The following FRMD5 variants were observed in gnomAD, a reference collection of about 807,000 sequenced individuals.
FRMD5 encodes FERM domain-containing protein 5.
In FRMD5, 20 loss-of-function variants were observed where a neutral mutation model predicts 69.0. That is an observed-to-expected ratio of 0.29 (90% confidence interval 0.20 to 0.42). The LOEUF is 0.42. Among genes scored for constraint, FRMD5 ranks in the 10% least tolerant of loss-of-function variants. The probability of loss-of-function intolerance (pLI) is 1.00; values close to 1 mark genes in which losing one functional copy is unlikely to be tolerated. For missense variants in FRMD5, 595 were observed against 708.6 expected (o/e 0.84, Z 1.82); for synonymous variants, 271 against 260.1 (o/e 1.04, Z -0.40).
chr15:43,887,000 CTG>C (rs1406245048), intron 10 of FRMD5, among the ~76,000 whole-genome samples: 1 of 152,210 alleles, frequency 6.6e-6, no homozygotes, highest in African/African-American at 2.4e-5. Context: ...GACTCAGAAA[CTG>C]AGTGAGGTCA....
intron 1 of FRMD5, among the ~76,000 whole-genome samples, chr15:44,109,636 T>C (rs1356683084): frequency 2.6e-5 from 4 of 152,162 alleles, no homozygotes; most frequent in Non-Finnish European, 5.9e-5. Context: ...ACATTGATTA[T>C]GAACCTACAT....
intron 1 of FRMD5, among the ~76,000 whole-genome samples, chr15:44,128,760 G>A (rs183108278): frequency 5.3e-5 from 8 of 152,052 alleles, no homozygotes; most frequent in African/African-American, 1.9e-4. Context: ...AACTGAAGAT[G>A]ATAGGAATCA....
chr15:43,905,986 A>G (rs939331435), intron 5 of FRMD5, 35 bp from the exon 6 acceptor site: 23 of 1,613,758 alleles, frequency 1.4e-5, no homozygotes, highest in Non-Finnish European at 1.9e-5. Context: ...ACAATTGTGG[A>G]GACAGGTAAA....
intron 1 of FRMD5, among the ~76,000 whole-genome samples, chr15:43,981,117 G>A (rs1440387196): frequency 6.6e-6 from 1 of 152,156 alleles, no homozygotes; most frequent in Non-Finnish European, 1.5e-5. Flanking sequence ...CCGGGTTCAA[G>A]TGATCTTCAT....
intron 1 of FRMD5, among the ~76,000 whole-genome samples, chr15:44,000,459 A>ATTTTTTTTTTTTT (rs758023840): frequency 7.2e-6 from 1 of 138,474 alleles, no homozygotes; most frequent in African/African-American, 2.7e-5. Context: ...TGGTAGTTCT[A>ATTTTTTTTTTTTT]TTTTTTTTTT....
At chr15:44,139,102 G>A (rs2077228631) in intron 1 of FRMD5, among the ~76,000 whole-genome samples, 1 of 152,036 alleles carries the variant, frequency 6.6e-6, no homozygotes, top group Non-Finnish European at 1.5e-5. Context: ...CTTTAAATGG[G>A]TGAATCGTAT....
chr15:43,933,413 C>T (rs959162505), intron 1 of FRMD5, among the ~76,000 whole-genome samples: 11 of 152,222 alleles, frequency 7.2e-5, no homozygotes, highest in African/African-American at 2.7e-4. Flanking sequence ...ATTGCTGGGC[C>T]CCGCCCCTAA....
intron 1 of FRMD5, among the ~76,000 whole-genome samples, chr15:43,993,553 T>C (rs1391854630): frequency 6.6e-6 from 1 of 152,232 alleles, no homozygotes; most frequent in Non-Finnish European, 1.5e-5. Context: ...GTATATGATG[T>C]TGCTGCTGGA....
At position 44,056,921 on chromosome 15, in the gene FRMD5, T is replaced by A. The variant is rs867829388; in HGVS notation, c.103-132612A>T. ...CCCTGTTGACTACAAATTAACTATA[T>A]ACCCAGAGCTTATGGATTCTCCTAC... is the stretch of plus-strand genomic sequence containing the variant. On this transcript the variant is annotated intron_variant, in intron 1 of 13. Transcript: ENST00000417257. 4.6e-5 allele frequency among the ~76,000 whole-genome samples: 7 copies of A among 152,242 alleles called. 1 individual carries two copies. In the South Asian group the frequency reaches 1.5e-3, roughly 32 times the overall value.
chr15:43,893,649 A>C (rs909404083), intron 7 of FRMD5, among the ~76,000 whole-genome samples: 2 of 152,176 alleles, frequency 1.3e-5, no homozygotes, highest in African/African-American at 4.8e-5. Flanking sequence ...GCCACAGCTC[A>C]GGTGGTGCCA....
At chr15:43,897,561 G>C (rs2088944412) in intron 7 of FRMD5, among the ~76,000 whole-genome samples, 1 of 150,164 alleles carries the variant, frequency 6.7e-6, no homozygotes, top group African/African-American at 2.5e-5. Context: ...CTTCTTTAGA[G>C]AGCTGGCTAG....
At chr15:44,109,816 CT>C (rs2140577603) in intron 1 of FRMD5, among the ~76,000 whole-genome samples, 1 of 152,326 alleles carries the variant, frequency 6.6e-6, no homozygotes, top group South Asian at 2.1e-4. Flanking sequence ...AAGTTCCCTC[CT>C]TCTTTCCTAA....
chr15:44,029,059 A>G (rs1184827134), intron 1 of FRMD5, among the ~76,000 whole-genome samples: 2 of 152,244 alleles, frequency 1.3e-5, no homozygotes, highest in African/African-American at 4.8e-5. Context: ...TATTCAACAA[A>G]TATTTGCCAA....
intron 13 of FRMD5, among the ~76,000 whole-genome samples, chr15:43,877,414 G>C (rs903723758): frequency 2.6e-5 from 4 of 152,336 alleles, no homozygotes; most frequent in African/African-American, 9.6e-5. Context: ...TTCAGAAGCA[G>C]TGTGTCCCAT....
chr15:44,150,155 C>T (rs2077420588), intron 1 of FRMD5, among the ~76,000 whole-genome samples: 1 of 151,986 alleles, frequency 6.6e-6, no homozygotes, highest in South Asian at 2.1e-4. Flanking sequence ...GAAGAAATTA[C>T]CAATATAAGA....
At chr15:44,155,559 T>G (rs986528715) in intron 1 of FRMD5, among the ~76,000 whole-genome samples, 2 of 152,178 alleles carry the variant, frequency 1.3e-5, no homozygotes, top group African/African-American at 4.8e-5. Context: ...AAGGGTTGAA[T>G]TCTTTTATTC....
At chr15:43,917,990 C>T (rs1173236289) in intron 4 of FRMD5, among the ~76,000 whole-genome samples, 2 of 152,232 alleles carry the variant, frequency 1.3e-5, no homozygotes, top group African/African-American at 4.8e-5. Flanking sequence ...GAAGAAGCCA[C>T]TTTTCTCCCC....
At chr15:44,189,490 CTT>C (rs762693920) in intron 1 of FRMD5, among the ~76,000 whole-genome samples, 36 of 134,932 alleles carry the variant, frequency 2.7e-4, no homozygotes, top group Middle Eastern at 3.8e-3. Flanking sequence ...AAAGTCAAGA[CTT>C]TTTTTTTTTT....
rs948349102 is a variant in FRMD5 at position 43,872,000 on chromosome 15, G to C, written c.*1885C>G. Reference sequence around the variant, plus strand: ...CAGGATTGGCGTATTATGGCCTGTAGGCTAAATTCAGCTCACTGTTTTCAT... The same window carrying C: ...CAGGATTGGCGTATTATGGCCTGTACGCTAAATTCAGCTCACTGTTTTCAT... On this transcript the variant is annotated 3_prime_UTR_variant, in exon 14 of 14. Transcript: ENST00000417257. The C allele has an allele frequency of 6.6e-6, 1 of 152,184 alleles. No homozygotes were observed. Among genetic ancestry groups the C allele is most frequent in the East Asian group, 1.9e-4 (1 of 5,200 alleles). The allele number at this position is 152,184 out of a possible 1,614,324, so 9.4% of individuals were successfully genotyped here.
Sources: gnomAD v4.1 joint callset for allele counts (sites outside exome capture counted in the v4.1 genomes callset) on GRCh38, gnomAD v4.1.1 for gene constraint, MANE v1.5 for transcripts, NCBI Gene and HGNC (gene_info 2026-07-23, HGNC 2026-07-21) for gene names.